SFXN5: variants seen among roughly 807,000 people sequenced by gnomAD.
The protein encoded by SFXN5 is sideroflexin-5.
In SFXN5, 43 loss-of-function variants were observed where a neutral mutation model predicts 50.2. That is an observed-to-expected ratio of 0.86 (90% CI 0.67 to 1.11). The LOEUF (loss-of-function observed/expected upper bound fraction) is 1.11. Ranked by LOEUF, SFXN5 falls within the 50% of genes least tolerant of loss-of-function variation. The probability of loss-of-function intolerance (pLI) is 0.00; values close to 1 mark genes in which losing one functional copy is unlikely to be tolerated. For missense variants in SFXN5, 463 were observed against 454.1 expected (o/e 1.02, Z -0.18); for synonymous variants, 203 against 185.8 (o/e 1.09, Z -0.75).
At chr2:73,028,240 A>G (rs1251486073) in intron 3 of SFXN5, among the ~76,000 whole-genome samples, 5 of 152,248 alleles carry the variant, frequency 3.3e-5, no homozygotes, top group Non-Finnish European at 1.5e-5. Flanking sequence ...GCATGACTGT[A>G]TCTTTATCTT....
chr2:73,003,150 A>AG (rs1674142263), intron 6 of SFXN5, among the ~76,000 whole-genome samples: 1 of 108,660 alleles, frequency 9.2e-6, no homozygotes, highest in Admixed American at 9.3e-5. Context: ...GGGATGGGAC[A>AG]GGGGGGTGGG....
intron 4 of SFXN5, among the ~76,000 whole-genome samples, chr2:73,022,877 G>A (rs573683250): frequency 2.7e-4 from 41 of 152,330 alleles, no homozygotes; most frequent in African/African-American, 7.2e-4. Flanking sequence ...GAACGGGATC[G>A]TGTCTACCTT....
intron 1 of SFXN5, among the ~76,000 whole-genome samples, chr2:73,062,595 A>C (rs1052914720): frequency 6.6e-6 from 1 of 152,142 alleles, no homozygotes; most frequent in Non-Finnish European, 1.5e-5. Flanking sequence ...CTCCCAGATA[A>C]GGCATTTTGC....
chr2:73,017,231 T>G (rs1676277121), intron 6 of SFXN5, among the ~76,000 whole-genome samples: 1 of 152,188 alleles, frequency 6.6e-6, no homozygotes, highest in African/African-American at 2.4e-5. Context: ...AAGGAGAAGT[T>G]GTTTACCTCA....
At chr2:72,972,553 G>T (rs1442248771) in intron 10 of SFXN5, among the ~76,000 whole-genome samples, 4 of 152,186 alleles carry the variant, frequency 2.6e-5, no homozygotes, top group Non-Finnish European at 5.9e-5. Flanking sequence ...CTAGCTCAGG[G>T]ATCCTCTTTC....
At chr2:72,968,106 T>C (rs969093717) in intron 12 of SFXN5, among the ~76,000 whole-genome samples, 1 of 147,124 alleles carries the variant, frequency 6.8e-6, no homozygotes, top group African/African-American at 2.5e-5. Context: ...ACTGAGAGCA[T>C]GTGAGCACAC....
At chr2:72,962,607 ACCCTGG>A (rs2105391653) in intron 12 of SFXN5, among the ~76,000 whole-genome samples, 1 of 152,280 alleles carries the variant, frequency 6.6e-6, no homozygotes, top group Non-Finnish European at 1.5e-5. Flanking sequence ...CTTCTGATAA[ACCCTGG>A]CCCTGGATGT....
intron 3 of SFXN5, among the ~76,000 whole-genome samples, chr2:73,035,347 T>C (rs941020067): frequency 6.6e-6 from 1 of 152,212 alleles, no homozygotes; most frequent in African/African-American, 2.4e-5. Context: ...TACATTTTTG[T>C]ATACCATGGT....
At chr2:73,027,157 TC>T (rs34381203) in intron 3 of SFXN5, among the ~76,000 whole-genome samples, 1 of 152,162 alleles carries the variant, frequency 6.6e-6, no homozygotes, top group African/African-American at 2.4e-5. Flanking sequence ...GAGATGACAG[TC>T]CCGGCGTGTT....
chr2:72,980,158 C>T (rs865852136), intron 10 of SFXN5, among the ~76,000 whole-genome samples: 1 of 151,960 alleles, frequency 6.6e-6, no homozygotes, highest in South Asian at 2.1e-4. Flanking sequence ...TCCCTCTCTT[C>T]CTTCCTTCCA....
intron 3 of SFXN5, among the ~76,000 whole-genome samples, chr2:73,026,319 C>T (rs1241918177): frequency 5.4e-5 from 8 of 148,960 alleles, no homozygotes; most frequent in African/African-American, 1.5e-4. Context: ...TTAGTAGAGG[C>T]GGGGTTTCAC....
chr2:72,963,661 A>T (rs1367323272), intron 12 of SFXN5, among the ~76,000 whole-genome samples: 2 of 152,088 alleles, frequency 1.3e-5, no homozygotes, highest in East Asian at 1.9e-4. Flanking sequence ...GGAGTAAAGG[A>T]AGCTGGGGGA....
chr2:72,997,115 C>T (rs1673347972), intron 9 of SFXN5: 1 of 152,204 alleles, frequency 6.6e-6, no homozygotes, highest in South Asian at 2.1e-4. Context: ...ACCTGAATGT[C>T]TCACTTCTTG....
At chr2:72,964,022 G>A (rs569474505) in intron 12 of SFXN5, among the ~76,000 whole-genome samples, 5 of 152,244 alleles carry the variant, frequency 3.3e-5, no homozygotes, top group Admixed American at 1.3e-4. Context: ...TTTCCTTTCC[G>A]TCTCAGAGTC....
chr2:73,059,455 G>A (rs923266461), intron 1 of SFXN5: 1 of 985,248 alleles, frequency 1.0e-6, no homozygotes, highest in African/African-American at 1.7e-5. Flanking sequence ...CACAGTGGAG[G>A]AAACAGAAGC....
intron 3 of SFXN5, among the ~76,000 whole-genome samples, chr2:73,034,175 T>C (rs1372742110): frequency 2.0e-5 from 3 of 152,144 alleles, no homozygotes; most frequent in Non-Finnish European, 1.5e-5. Flanking sequence ...TAGCACATCA[T>C]ACAAATGACT....
chr2:73,017,137 C>A (rs901675682), intron 6 of SFXN5, among the ~76,000 whole-genome samples: 1 of 151,912 alleles, frequency 6.6e-6, no homozygotes, highest in Non-Finnish European at 1.5e-5. Context: ...TCAGACACAT[C>A]GGTATATAGT....
intron 1 of SFXN5, chr2:73,059,015 A>T (rs2106035643): frequency 1.0e-6 from 1 of 965,108 alleles, no homozygotes; most frequent in South Asian, 4.4e-5. Flanking sequence ...TACCCGCCAC[A>T]GGGTCCCTCC....
chr2:72,996,263 G>A (rs1484020571), intron 9 of SFXN5, among the ~76,000 whole-genome samples: 1 of 152,090 alleles, frequency 6.6e-6, no homozygotes, highest in Non-Finnish European at 1.5e-5. Context: ...AGAAAGGAGG[G>A]AGTCCCCAGC....
Sources: gnomAD v4.1 joint callset for allele counts (sites outside exome capture counted in the v4.1 genomes callset) on GRCh38, gnomAD v4.1.1 for gene constraint, MANE v1.5 for transcripts, NCBI Gene and HGNC (gene_info 2026-07-23, HGNC 2026-07-21) for gene names.